The following GRID2 variants were observed in gnomAD, a reference collection of about 807,000 sequenced individuals.
GRID2 encodes glutamate ionotropic receptor delta type subunit 2, also known as glutamate receptor ionotropic, delta-2.
A neutral mutation model predicts 114.8 loss-of-function variants in GRID2; 33 were observed. The observed-to-expected ratio is 0.29, with a 90% confidence interval of 0.22 to 0.38. The LOEUF is 0.38. Ranked by LOEUF, GRID2 falls within the 10% of genes least tolerant of loss-of-function variation. GRID2 has a pLI of 1.00. For missense variants in GRID2, 1,184 were observed against 1,257.7 expected (o/e 0.94, Z 0.89); for synonymous variants, 505 against 449.9 (o/e 1.12, Z -1.55).
chr4:93,196,885 G>C (rs1248882104), intron 4 of GRID2, among the ~76,000 whole-genome samples: 1 of 152,066 alleles, frequency 6.6e-6, no homozygotes, highest in Non-Finnish European at 1.5e-5. Context: ...TACTTCTCTG[G>C]TTAAACATCA....
At chr4:92,893,455 C>G (rs1282740970) in intron 2 of GRID2, among the ~76,000 whole-genome samples, 2 of 152,128 alleles carry the variant, frequency 1.3e-5, no homozygotes, top group Non-Finnish European at 2.9e-5. Context: ...CTGGCTCTGA[C>G]CCTTTCTAGT....
At chr4:92,344,267 C>A (rs1727655403) in intron 1 of GRID2, among the ~76,000 whole-genome samples, 1 of 152,068 alleles carries the variant, frequency 6.6e-6, no homozygotes, top group South Asian at 2.1e-4. Context: ...CCTCAATTTT[C>A]AATAGAAATG....
intron 8 of GRID2, among the ~76,000 whole-genome samples, chr4:93,386,700 A>G (rs1005681710): frequency 6.6e-6 from 1 of 152,144 alleles, no homozygotes; most frequent in African/African-American, 2.4e-5. Flanking sequence ...ACCCCAAACA[A>G]AAAGTTCCTA....
intron 5 of GRID2, among the ~76,000 whole-genome samples, chr4:93,209,219 A>C (rs1407347489): frequency 1.3e-5 from 2 of 151,976 alleles, no homozygotes; most frequent in Non-Finnish European, 2.9e-5. Context: ...AGTGCTCATT[A>C]GTTATTTTTC....
At chr4:93,706,637 A>G (rs1367111901) in intron 14 of GRID2, among the ~76,000 whole-genome samples, 2 of 152,176 alleles carry the variant, frequency 1.3e-5, no homozygotes, top group African/African-American at 4.8e-5. Flanking sequence ...TTTTCCAAAT[A>G]TAAGACCATA....
chr4:93,558,556 A>C (rs1734566371), intron 13 of GRID2, among the ~76,000 whole-genome samples: 1 of 152,216 alleles, frequency 6.6e-6, no homozygotes, highest in Non-Finnish European at 1.5e-5. Context: ...ATCCCTGAAT[A>C]GGCCAATAGT....
chr4:92,639,807 A>G (rs1731256824), intron 2 of GRID2, among the ~76,000 whole-genome samples: 1 of 151,774 alleles, frequency 6.6e-6, no homozygotes, highest in South Asian at 2.1e-4. Flanking sequence ...ATAAAATATC[A>G]CTCTAACAAA....
At position 93,578,587 on chromosome 4, in the gene GRID2, A is replaced by ATTTTTTTTTTTTTTTTTTTTT. The variant is rs59397408; in HGVS notation, c.2194-47678_2194-47658dup. The stretch of plus-strand genomic sequence containing the variant: ...AAAAGAACCTTGTCTTGTTTTTTGT[A>ATTTTTTTTTTTTTTTTTTTTT]TTTTTTTTTTTTTTTTTTTTTTTTG... On this transcript the variant is annotated intron_variant, in intron 13 of 15. Coordinates refer to ENST00000282020, the MANE Select transcript of GRID2 (RefSeq NM_001510.4). Among the ~76,000 whole-genome samples the ATTTTTTTTTTTTTTTTTTTTT allele has an allele frequency of 1.2e-4, 10 of 83,928 alleles. 3 individuals carry two copies. The highest frequency in any genetic ancestry group is 4.7e-4 in the African/African-American group (9 of 19,300). The allele number at this position is 83,928 out of a possible 152,430, so 55.1% of individuals were successfully genotyped here. A position where few individuals can be genotyped will look rare whatever the true frequency, so the allele number is the denominator to read the frequency against.
At chr4:93,282,933 CT>C (rs1752797471) in intron 8 of GRID2, among the ~76,000 whole-genome samples, 1 of 152,074 alleles carries the variant, frequency 6.6e-6, no homozygotes, top group African/African-American at 2.4e-5. Flanking sequence ...AATCATCCAG[CT>C]CTCACATGAA....
intron 2 of GRID2, among the ~76,000 whole-genome samples, chr4:92,749,943 C>A (rs1276516756): frequency 6.6e-6 from 1 of 150,720 alleles, no homozygotes; most frequent in African/African-American, 2.4e-5. Flanking sequence ...CTGACTGCAA[C>A]CTCTGCCTCC....
At chr4:92,805,238 TTTCTC>T (rs753097235) in intron 2 of GRID2, among the ~76,000 whole-genome samples, 19 of 152,002 alleles carry the variant, frequency 1.2e-4, no homozygotes, top group Non-Finnish European at 2.1e-4. Flanking sequence ...TTTTGATACT[TTTCTC>T]TCTCTCTCTC....
chr4:93,281,339 G>T (rs1475855130), intron 8 of GRID2, among the ~76,000 whole-genome samples: 3 of 151,906 alleles, frequency 2.0e-5, no homozygotes, highest in African/African-American at 7.3e-5. Flanking sequence ...GAGTAACGAA[G>T]ACAAGGATGG....
chr4:92,401,212 T>G (rs1056279552), intron 1 of GRID2, among the ~76,000 whole-genome samples: 1 of 152,286 alleles, frequency 6.6e-6, no homozygotes, highest in African/African-American at 2.4e-5. Flanking sequence ...GAAGTTCATT[T>G]ACATTTTTAA....
intron 1 of GRID2, among the ~76,000 whole-genome samples, chr4:92,382,870 A>G (rs553471777): frequency 6.6e-6 from 1 of 152,088 alleles, no homozygotes; most frequent in South Asian, 2.1e-4. Context: ...CCATTCTCAC[A>G]TTGCTATAAA....
At chr4:92,679,917 G>GA (rs35215896) in intron 2 of GRID2, among the ~76,000 whole-genome samples, 43,674 of 146,956 alleles carry the variant, frequency 0.3, 6,917 homozygotes, top group African/African-American at 0.43. Context: ...TAAATTGACT[G>GA]AAAAAAAAAA....
intron 2 of GRID2, among the ~76,000 whole-genome samples, chr4:93,065,942 C>A (rs912084275): frequency 1.3e-5 from 2 of 152,006 alleles, no homozygotes; most frequent in African/African-American, 4.8e-5. Flanking sequence ...GTATCAGTCA[C>A]TGCTCTAAGA....
chr4:93,096,952 A>G (rs571986977), intron 3 of GRID2, among the ~76,000 whole-genome samples: 1 of 152,176 alleles, frequency 6.6e-6, no homozygotes, highest in South Asian at 2.1e-4. Context: ...TTCATACAGT[A>G]GAATACTATT....
intron 2 of GRID2, among the ~76,000 whole-genome samples, chr4:92,697,581 A>G (rs1409076139): frequency 6.6e-6 from 1 of 152,184 alleles, no homozygotes; most frequent in Non-Finnish European, 1.5e-5. Flanking sequence ...TTTTGTAGTA[A>G]TATCAGCCTA....
chr4:93,656,828 TCAAAAAAAA>T (rs1723050551), intron 14 of GRID2, among the ~76,000 whole-genome samples: 1 of 16,766 alleles, frequency 6.0e-5, no homozygotes, highest in African/African-American at 2.4e-4. Flanking sequence ...AGACTCTGCC[TCAAAAAAAA>T]AAAAAAAAAA....
Sources: allele counts gnomAD v4.1 joint callset (sites outside exome capture counted in the v4.1 genomes callset), GRCh38; gene constraint gnomAD v4.1.1; transcripts MANE v1.5; gene names NCBI Gene and HGNC (gene_info 2026-07-23, HGNC 2026-07-21).